The following HTR1E variants were observed in gnomAD, a reference collection of about 807,000 sequenced individuals.
HTR1E encodes the protein 5-HT-1E.
HTR1E carries 3 observed loss-of-function variants against 3.4 expected under a neutral mutation model. That is an observed-to-expected ratio of 0.89 (90% CI 0.41 to 2.31). The LOEUF is 2.31. Among genes scored for constraint, HTR1E ranks in the 30% most tolerant of loss-of-function variants. The pLI is 0.05. For missense variants in HTR1E, 392 were observed against 467.0 expected (o/e 0.84, Z 1.48); for synonymous variants, 170 against 182.8 (o/e 0.93, Z 0.56).
chr6:86,997,094 ATGATGATAT>A, intron 1 of HTR1E, among the ~76,000 whole-genome samples: 1 of 152,132 alleles, frequency 6.6e-6, no homozygotes, highest in East Asian at 1.9e-4. Context: ...GAAAAATCAC[ATGATGATAT>A]CAATCAACAC....
intron 1 of HTR1E, among the ~76,000 whole-genome samples, chr6:86,973,661 A>T (rs776078572): frequency 1.3e-5 from 2 of 152,180 alleles, no homozygotes; most frequent in Non-Finnish European, 2.9e-5. Flanking sequence ...GAGATTTAAG[A>T]TACTAATGAG....
intron 1 of HTR1E, among the ~76,000 whole-genome samples, chr6:86,975,998 C>T (rs1389839165): frequency 2.0e-5 from 3 of 151,826 alleles, no homozygotes; most frequent in African/African-American, 7.3e-5. Flanking sequence ...TTCACTGTTG[C>T]TCAATCCTCT....
At chr6:86,960,840 CT>C (rs1767397599) in intron 1 of HTR1E, among the ~76,000 whole-genome samples, 1 of 152,182 alleles carries the variant, frequency 6.6e-6, no homozygotes, top group Admixed American at 6.5e-5. Flanking sequence ...CTCCTAATGC[CT>C]AATATGTGTT....
chr6:86,949,356 CCTG>C (rs548419411), intron 1 of HTR1E, among the ~76,000 whole-genome samples: 1 of 151,920 alleles, frequency 6.6e-6, no homozygotes, highest in Non-Finnish European at 1.5e-5. Flanking sequence ...TAAGTGTGTC[CCTG>C]CTGCTGCTGC....
intron 1 of HTR1E, among the ~76,000 whole-genome samples, chr6:86,996,187 A>T (rs1045468907): frequency 4.6e-5 from 7 of 152,204 alleles, no homozygotes; most frequent in African/African-American, 1.7e-4. Context: ...TCAAGGCCCC[A>T]TGATAAACCT....
In HTR1E at chr6:87,015,882, C is replaced by A; in HGVS notation, c.548C>A (p.Thr183Asn). The A allele has an allele frequency of 6.2e-7, 1 of 1,613,354 alleles. No individual in the cohort carries two copies. The highest frequency in any genetic ancestry group is 8.5e-7 in the Non-Finnish European group (1 of 1,179,546). ...ATCCAGCACGACCATGTTATCTACA[C>A]CATTTACTCCACGCTGGGTGCGTTT... ...CTIQHDHVIY[T>N]IYSTLGAFYI... The change falls in exon 2 of 2, where the codon ACC becomes AAC. Residue 183 changes from threonine to asparagine, a missense_variant. Physicochemically the swap from Thr to Asn is moderately conservative, Grantham distance 65. Transcript: ENST00000305344.
At chr6:86,952,516 C>T (rs1045746127) in intron 1 of HTR1E, among the ~76,000 whole-genome samples, 2 of 151,910 alleles carry the variant, frequency 1.3e-5, no homozygotes, top group African/African-American at 4.8e-5. Flanking sequence ...CACACACACA[C>T]ACACACCCCT....
rs115401540 is a variant in HTR1E at position 86,974,370 on chromosome 6, G to A, written c.-186+36547G>A. 5.2e-3 allele frequency among the ~76,000 whole-genome samples: 785 copies of A among 152,240 alleles called. 7 individuals are homozygous for A. Among genetic ancestry groups the A allele is most frequent in the African/African-American group, 0.018 (739 of 41,542 alleles). On this transcript the variant is annotated intron_variant, in intron 1 of 1. Transcript: ENST00000305344. ...ATGTTCTTTATAGCAAAAGAATCCT[G>A]TTCAGAATCAAGTGTTGCATTTAAT...
At chr6:86,980,055 G>A (rs575988269) in intron 1 of HTR1E, among the ~76,000 whole-genome samples, 22 of 152,314 alleles carry the variant, frequency 1.4e-4, no homozygotes, top group African/African-American at 5.3e-4. Context: ...GGGGGTGGAA[G>A]CTGGATTATC....
intron 1 of HTR1E, among the ~76,000 whole-genome samples, chr6:86,984,910 A>G (rs1266619359): frequency 1.3e-5 from 2 of 152,192 alleles, no homozygotes; most frequent in East Asian, 1.9e-4. Flanking sequence ...GGGAGTGTGT[A>G]GAAAATATAC....
At chr6:86,996,781 C>T (rs1196952223) in intron 1 of HTR1E, among the ~76,000 whole-genome samples, 3 of 151,920 alleles carry the variant, frequency 2.0e-5, no homozygotes, top group African/African-American at 7.2e-5. Flanking sequence ...ATCTCCAGGC[C>T]TAGATTGTTT....
At chr6:86,962,982 T>TA (rs1191966795) in intron 1 of HTR1E, among the ~76,000 whole-genome samples, 2 of 152,168 alleles carry the variant, frequency 1.3e-5, no homozygotes, top group African/African-American at 2.4e-5. Context: ...TTCTACTCAT[T>TA]AAAAAAATGT....
At chr6:86,958,668 T>C (rs1767358825) in intron 1 of HTR1E, among the ~76,000 whole-genome samples, 1 of 152,212 alleles carries the variant, frequency 6.6e-6, no homozygotes, top group Admixed American at 6.5e-5. Flanking sequence ...TGTGCCATTA[T>C]TGTCTGCTAT....
At chr6:86,990,527 G>C (rs1767858552) in intron 1 of HTR1E, among the ~76,000 whole-genome samples, 4 of 152,106 alleles carry the variant, frequency 2.6e-5, no homozygotes, top group Admixed American at 2.6e-4. Flanking sequence ...AGTTCCCAGT[G>C]ACCAAAACTG....
chr6:86,990,766 G>A (rs1767861566), intron 1 of HTR1E, among the ~76,000 whole-genome samples: 1 of 152,124 alleles, frequency 6.6e-6, no homozygotes, highest in African/African-American at 2.4e-5. Flanking sequence ...TAAAGTAGGG[G>A]AGAAGAGATA....
chr6:86,981,663 T>C (rs1049570636), intron 1 of HTR1E, among the ~76,000 whole-genome samples: 14 of 152,216 alleles, frequency 9.2e-5, no homozygotes, highest in African/African-American at 3.4e-4. Context: ...CATTCTTGCA[T>C]CATACAAATA....
intron 1 of HTR1E, among the ~76,000 whole-genome samples, chr6:86,983,879 A>G (rs986584833): frequency 4.6e-5 from 7 of 152,172 alleles, no homozygotes; most frequent in African/African-American, 1.4e-4. Context: ...TAACCAATAT[A>G]TAAAACTGAA....
At chr6:86,971,863 A>G (rs1039126900) in intron 1 of HTR1E, among the ~76,000 whole-genome samples, 8 of 152,124 alleles carry the variant, frequency 5.3e-5, no homozygotes, top group Admixed American at 5.2e-4. Context: ...CTTTGTATCC[A>G]TGTATACCCA....
chr6:87,000,309 G>A (rs1185163933), intron 1 of HTR1E: 1 of 152,116 alleles, frequency 6.6e-6, no homozygotes, highest in Non-Finnish European at 1.5e-5. Flanking sequence ...GGTCAATTCA[G>A]CTAGAAGATA....
Sources: gnomAD v4.1 joint callset for allele counts (sites outside exome capture counted in the v4.1 genomes callset) on GRCh38, gnomAD v4.1.1 for gene constraint, MANE v1.5 for transcripts, NCBI Gene and HGNC (gene_info 2026-07-23, HGNC 2026-07-21) for gene names.